Variants in TRDN observed in about 807,000 individuals in gnomAD.
TRDN encodes the protein triadin, also known as triadin in skeletal muscle.
A neutral mutation model predicts 149.7 loss-of-function variants in TRDN; 161 were observed. That is an observed-to-expected ratio of 1.08 (90% CI 0.95 to 1.23). The LOEUF (loss-of-function observed/expected upper bound fraction) is 1.23, where lower values mean the gene tolerates loss of function less well. Ranked by LOEUF, TRDN falls within the 50% of genes most tolerant of loss-of-function variation. The pLI is 0.00. For missense variants in TRDN, 896 were observed against 823.5 expected, an observed-to-expected ratio of 1.09 and a Z score of -1.08; for synonymous variants, 294 against 250.5, an observed-to-expected ratio of 1.17 and a Z score of -1.64.
intron 24 of TRDN, among the ~76,000 whole-genome samples, chr6:123,311,966 T>A (rs1456711998): frequency 2.0e-5 from 3 of 151,936 alleles, no homozygotes; most frequent in Non-Finnish European, 4.4e-5. Flanking sequence ...ATACACACCA[T>A]GCCAGAGGAA....
At chr6:123,366,055 A>C in intron 20 of TRDN, 80 bp downstream of exon 20, 1 of 1,308,286 alleles carries the variant, frequency 7.6e-7, no homozygotes, top group Non-Finnish European at 1.1e-6. Context: ...CTCTTTTCTA[A>C]GCACAAAACA....
chr6:123,426,715 A>G (rs866827200), intron 12 of TRDN, among the ~76,000 whole-genome samples: 1 of 152,158 alleles, frequency 6.6e-6, no homozygotes, highest in Admixed American at 6.6e-5. Flanking sequence ...ATCTGTTAGC[A>G]TTAGCTACTT....
chr6:123,369,563 T>C (rs145857872), intron 19 of TRDN, among the ~76,000 whole-genome samples: 5 of 152,254 alleles, frequency 3.3e-5, no homozygotes, highest in African/African-American at 1.2e-4. Flanking sequence ...ACAGACCCAA[T>C]AAAGTTGCTT....
chr6:123,505,671 C>G (rs546309387), intron 7 of TRDN, among the ~76,000 whole-genome samples: 1 of 151,414 alleles, frequency 6.6e-6, no homozygotes, highest in Non-Finnish European at 1.5e-5. Flanking sequence ...TCATAAAATT[C>G]TCATACAAAT....
intron 38 of TRDN, among the ~76,000 whole-genome samples, chr6:123,230,252 C>A (rs189627229): frequency 1.3e-5 from 2 of 151,868 alleles, no homozygotes; most frequent in Non-Finnish European, 2.9e-5. Flanking sequence ...ATGGATGAAC[C>A]TGGAAACCAT....
rs556648217 is a variant in TRDN at position 123,363,300 on chromosome 6, G to A, written c.1321+2835C>T. Among the ~76,000 whole-genome samples, 143 of 152,282 alleles carry A rather than the reference G, an allele frequency of 9.4e-4. 4 individuals carry two copies. The South Asian group carries it at 0.028, about 30-fold the overall frequency. On this transcript the variant is annotated intron_variant, in intron 20 of 40. Coordinates refer to ENST00000334268, the MANE Select transcript of TRDN (RefSeq NM_006073.4). ...GGGGATTGGGTAGTAAATACATGAT[G>A]AGAACAATATATTTTTTCATGCACG...
chr6:123,475,115 A>G (rs1361114814), intron 9 of TRDN, among the ~76,000 whole-genome samples: 2 of 151,506 alleles, frequency 1.3e-5, no homozygotes, highest in Non-Finnish European at 3.0e-5. Context: ...TAATGAATCC[A>G]GGAGCTGGTT....
intron 38 of TRDN, among the ~76,000 whole-genome samples, chr6:123,239,621 T>A (rs981395312): frequency 6.6e-6 from 1 of 152,106 alleles, no homozygotes; most frequent in African/African-American, 2.4e-5. Flanking sequence ...TTAGAAATTT[T>A]AAAATATACT....
chr6:123,455,458 CAAAG>C (rs1337580459), intron 10 of TRDN, among the ~76,000 whole-genome samples: 3 of 148,018 alleles, frequency 2.0e-5, no homozygotes, highest in African/African-American at 7.6e-5. Flanking sequence ...GTTAGAGAAA[CAAAG>C]AGAGAAGAAA....
At chr6:123,559,561 T>C (rs74788476) in intron 2 of TRDN, among the ~76,000 whole-genome samples, 3 of 152,254 alleles carry the variant, frequency 2.0e-5, no homozygotes, top group Non-Finnish European at 4.4e-5. Flanking sequence ...CAACCGATCA[T>C]GCACCCCTTA....
chr6:123,408,583 C>T (rs1292827410), intron 12 of TRDN, among the ~76,000 whole-genome samples: 1 of 151,122 alleles, frequency 6.6e-6, no homozygotes, highest in South Asian at 2.1e-4. Context: ...GAGGCTGAGG[C>T]AGGAGAATTG....
chr6:123,501,627 T>A (rs763609740), intron 8 of TRDN, among the ~76,000 whole-genome samples: 1 of 152,020 alleles, frequency 6.6e-6, no homozygotes, highest in Non-Finnish European at 1.5e-5. Context: ...AGAGGTTAAG[T>A]TTTGAATACT....
At chr6:123,373,849 A>C (rs1781412004) in intron 19 of TRDN, among the ~76,000 whole-genome samples, 1 of 152,156 alleles carries the variant, frequency 6.6e-6, no homozygotes, top group Non-Finnish European at 1.5e-5. Flanking sequence ...GCACCATACT[A>C]TATGGATAAT....
At chr6:123,389,868 G>A (rs1300294642) in intron 13 of TRDN, among the ~76,000 whole-genome samples, 12 of 152,130 alleles carry the variant, frequency 7.9e-5, no homozygotes, top group South Asian at 2.1e-4. Flanking sequence ...AGATAACACC[G>A]AAAATGAATT....
chr6:123,351,713 T>G, intron 21 of TRDN: 3 of 928,818 alleles, frequency 3.2e-6, no homozygotes, highest in Non-Finnish European at 3.9e-6. Context: ...TTCATACATT[T>G]AATTGCATCT....
chr6:123,540,589 G>C (rs1052752993), intron 4 of TRDN, among the ~76,000 whole-genome samples: 1 of 152,150 alleles, frequency 6.6e-6, no homozygotes, highest in African/African-American at 2.4e-5. Flanking sequence ...GCGCCACCTG[G>C]GCTCACCGCA....
At chr6:123,466,284 T>C (rs1776805474) in intron 9 of TRDN, among the ~76,000 whole-genome samples, 8 of 152,206 alleles carry the variant, frequency 5.3e-5, no homozygotes, top group Admixed American at 4.6e-4. Flanking sequence ...ACATTATCTT[T>C]CTTTCCCTAG....
At chr6:123,297,972 T>G (rs940972031) in intron 24 of TRDN, among the ~76,000 whole-genome samples, 104 of 152,062 alleles carry the variant, frequency 6.8e-4, no homozygotes, top group African/African-American at 2.4e-3. Flanking sequence ...GTTAGAAGTC[T>G]TCTAAGATTC....
At chr6:123,557,842 T>G (rs1781761503) in intron 2 of TRDN, among the ~76,000 whole-genome samples, 1 of 151,242 alleles carries the variant, frequency 6.6e-6, no homozygotes, top group South Asian at 2.1e-4. Flanking sequence ...TACCCTCTCT[T>G]TTCTCTGGAC....
Sources: allele counts gnomAD v4.1 joint callset (sites outside exome capture counted in the v4.1 genomes callset), GRCh38; gene constraint gnomAD v4.1.1; transcripts MANE v1.5; gene names NCBI Gene and HGNC (gene_info 2026-07-23, HGNC 2026-07-21).